Variants in RNF175 observed in about 807,000 individuals in gnomAD.
RNF175 encodes ring finger protein 175.
Under a neutral mutation model 50.0 loss-of-function variants are expected in RNF175, and 38 were observed. The ratio of observed to expected loss-of-function variants is 0.76; its 90% CI spans 0.59 to 1.00. The LOEUF is 1.00. Among genes scored for constraint, RNF175 ranks in the 50% least tolerant of loss-of-function variants. The pLI, the probability that RNF175 is intolerant of heterozygous loss-of-function variation, is 0.00. For synonymous variants in RNF175, 155 were observed against 146.1 expected (o/e 1.06, Z -0.44); for missense variants, 388 against 409.6 (o/e 0.95, Z 0.46).
intron 1 of RNF175, among the ~76,000 whole-genome samples, chr4:153,757,798 C>T (rs966689242): frequency 2.6e-5 from 4 of 151,976 alleles, no homozygotes; most frequent in African/African-American, 9.7e-5. Flanking sequence ...ACATACCTAA[C>T]CAGTTGCAGG....
chr4:153,718,952 CT>C (rs1322780084), intron 6 of RNF175, among the ~76,000 whole-genome samples: 7 of 152,020 alleles, frequency 4.6e-5, no homozygotes, highest in African/African-American at 1.4e-4. Context: ...CTGTTTTTTT[CT>C]TTTTTTAAAA....
At chr4:153,718,209 G>GTTTT (rs1238895381) in intron 6 of RNF175, among the ~76,000 whole-genome samples, 3 of 92,648 alleles carry the variant, frequency 3.2e-5, no homozygotes, top group East Asian at 3.6e-4. Context: ...TTCCTAAGGA[G>GTTTT]TTTTTTTTGT....
In RNF175 at chr4:153,710,297, T is replaced by TA. The variant is rs1238519445; in HGVS notation, c.*71dup. 5 of 1,259,358 alleles carry TA rather than the reference T, an allele frequency of 4.0e-6. No homozygotes were observed. The highest frequency in any genetic ancestry group is 5.3e-6 in the Non-Finnish European group (5 of 943,008). The allele number at this position is 1,259,358 out of a possible 1,614,324, so 78.0% of individuals were successfully genotyped here. ...AAACACTTGGGATCATCTCTAAAAT[T>TA]AAAAAAATTAATATTAAATGTTGGA... On this transcript the variant is annotated 3_prime_UTR_variant, in exon 9 of 9. Coordinates refer to ENST00000347063, the MANE Select transcript of RNF175 (RefSeq NM_173662.4).
chr4:153,712,745 G>T (rs1346637682), intron 7 of RNF175, among the ~76,000 whole-genome samples, 169 bp from the exon 8 acceptor site: 1 of 152,190 alleles, frequency 6.6e-6, no homozygotes, highest in African/African-American at 2.4e-5. Flanking sequence ...AGTGAGCCTG[G>T]AGTCACAGCT....
intron 7 of RNF175, 89 bp from the exon 8 acceptor site, chr4:153,712,665 G>A (rs377677135): frequency 1.1e-5 from 9 of 851,570 alleles, no homozygotes; most frequent in African/African-American, 1.7e-5. Context: ...TCAGGGTCTA[G>A]TGGTGGAGTC....
chr4:153,725,655 C>T (rs1738655425), intron 4 of RNF175, among the ~76,000 whole-genome samples: 1 of 152,210 alleles, frequency 6.6e-6, no homozygotes, highest in African/African-American at 2.4e-5. Flanking sequence ...CAAGGCTTTG[C>T]TGCTTACTGC....
At chr4:153,736,584 G>T (rs1472267936) in intron 3 of RNF175, among the ~76,000 whole-genome samples, 1 of 152,080 alleles carries the variant, frequency 6.6e-6, no homozygotes, top group Non-Finnish European at 1.5e-5. Flanking sequence ...GTAGAGAACT[G>T]GTATCATTTC....
chr4:153,727,244 A>G (rs780341475), intron 4 of RNF175, among the ~76,000 whole-genome samples: 14 of 152,224 alleles, frequency 9.2e-5, no homozygotes, highest in Non-Finnish European at 1.3e-4. Context: ...GGGCTGTCCA[A>G]GATCCCAAAT....
intron 7 of RNF175, chr4:153,713,847 A>G (rs956542702): frequency 6.6e-6 from 1 of 152,246 alleles, no homozygotes; most frequent in Non-Finnish European, 1.5e-5. Context: ...CCCATCTTCT[A>G]CAGAGGTATA....
chr4:153,730,510 T>C (rs1372113030), intron 3 of RNF175, among the ~76,000 whole-genome samples: 1 of 152,200 alleles, frequency 6.6e-6, no homozygotes, highest in Non-Finnish European at 1.5e-5. Context: ...ATTTTGGAGA[T>C]AGTTCTTTAT....
At chr4:153,745,604 T>C (rs1221166386) in intron 3 of RNF175, 1 of 152,268 alleles carries the variant, frequency 6.6e-6, no homozygotes, top group East Asian at 1.9e-4. Flanking sequence ...TTAGTCCATT[T>C]TGTGCTGCTA....
At chr4:153,728,771 G>A (rs1017823773) in intron 3 of RNF175, among the ~76,000 whole-genome samples, 1 of 152,206 alleles carries the variant, frequency 6.6e-6, no homozygotes, top group Non-Finnish European at 1.5e-5. Context: ...AAAGCACTCT[G>A]AAAACCATAC....
At position 153,728,339 on chromosome 4, in the gene RNF175, C is replaced by G. The variant is rs1477185348; in HGVS notation, c.269G>C (p.Trp90Ser). 4 of 1,613,580 alleles carry G rather than the reference C, an allele frequency of 2.5e-6. No homozygotes were observed. The highest frequency in any genetic ancestry group is 3.4e-6 in the Non-Finnish European group (4 of 1,179,748). Reference sequence around the variant, plus strand: ...TATCGTGAAATATAAGGGGACAACCCACATCTGCAACAAGGTCACCAGCTG... The same window carrying G: ...TATCGTGAAATATAAGGGGACAACCGACATCTGCAACAAGGTCACCAGCTG... ...SYNLVTLLQM[W>S]VVPLYFTIKL... Residue 90 changes from tryptophan (W) to serine (S), a missense_variant, in exon 4 of 9, where the codon TGG becomes TCG. Coordinates refer to ENST00000347063, the MANE Select transcript of RNF175 (RefSeq NM_173662.4).
chr4:153,715,666 T>G lies in RNF175; in HGVS notation c.631-4A>C. ...GCAACCGGCTGACACTGTAGAACTA[T>G]CAGAGGAAATGGACAGAGCACAGTC... On this transcript the variant is annotated splice_region_variant and splice_polypyrimidine_tract_variant and intron_variant, in intron 6 of 8. Transcript: ENST00000347063. The G allele has an allele frequency of 1.2e-6, 2 of 1,613,194 alleles. No individual in the cohort carries two copies. The highest frequency in any genetic ancestry group is 1.7e-6 in the Non-Finnish European group (2 of 1,179,492).
chr4:153,717,978 C>G (rs547479332), intron 6 of RNF175, among the ~76,000 whole-genome samples: 2 of 152,224 alleles, frequency 1.3e-5, no homozygotes, highest in Non-Finnish European at 1.5e-5. Context: ...AGAAGAGTTT[C>G]ACCACTCTAC....
At chr4:153,749,773 G>C (rs1440783145) in intron 2 of RNF175, among the ~76,000 whole-genome samples, 2 of 152,156 alleles carry the variant, frequency 1.3e-5, no homozygotes, top group Non-Finnish European at 2.9e-5. Flanking sequence ...CCATTTCTGG[G>C]TGTTGGGGGC....
chr4:153,759,980 G>GGCGGCGGA lies in RNF175; in HGVS notation c.-126_-119dup. 4 of 562,040 alleles carry GGCGGCGGA rather than the reference G, an allele frequency of 7.1e-6. No individual in the cohort carries two copies. The highest frequency in any genetic ancestry group is 1.1e-5 in the Non-Finnish European group (4 of 367,550). 34.8% of individuals were successfully genotyped at this position (562,040 alleles called of 1,614,324 possible). On this transcript the variant is annotated 5_prime_UTR_variant, in exon 1 of 9. Coordinates refer to ENST00000347063, the MANE Select transcript of RNF175 (RefSeq NM_173662.4). ...CGAGGGTGAGAGCCGGATCTGCGGC[G>GGCGGCGGA]GCGGCGGAGCGGCGGCCCTGCCCGG...
intron 4 of RNF175, among the ~76,000 whole-genome samples, chr4:153,727,001 G>A (rs930321164): frequency 1.1e-4 from 17 of 152,180 alleles, no homozygotes; most frequent in African/African-American, 3.9e-4. Flanking sequence ...TGCATTGCAC[G>A]AACTGATGTG....
At chr4:153,749,411 G>A (rs183240653) in intron 2 of RNF175, among the ~76,000 whole-genome samples, 42 of 152,322 alleles carry the variant, frequency 2.8e-4, no homozygotes, top group African/African-American at 8.9e-4. Flanking sequence ...AGGAAACCCT[G>A]CAGATGGTGC....
Sources: allele counts gnomAD v4.1 joint callset (sites outside exome capture counted in the v4.1 genomes callset), GRCh38; gene constraint gnomAD v4.1.1; transcripts MANE v1.5; gene names NCBI Gene and HGNC (gene_info 2026-07-23, HGNC 2026-07-21).